Variants in TAFA4 observed in about 807,000 individuals in gnomAD.
TAFA4 encodes TAFA chemokine like family member 4, also known as chemokine-like protein TAFA-4.
In TAFA4, 20 loss-of-function variants were observed where a neutral mutation model predicts 21.1. That is an observed-to-expected ratio of 0.95 (90% CI 0.67 to 1.38). TAFA4 has a LOEUF of 1.38. TAFA4 is among the 40% of genes most tolerant of loss of function. The pLI, the probability that TAFA4 is intolerant of heterozygous loss-of-function variation, is 0.00. For synonymous variants in TAFA4, 71 were observed against 67.4 expected (o/e 1.05, Z -0.26); for missense variants, 211 against 180.9 (o/e 1.17, Z -0.95).
intron 2 of TAFA4, among the ~76,000 whole-genome samples, chr3:68,884,278 G>A (rs1304473952): frequency 6.6e-6 from 1 of 152,172 alleles, no homozygotes; most frequent in African/African-American, 2.4e-5. Flanking sequence ...TTCAGTCAAG[G>A]AAACGCAACA....
chr3:68,805,715 A>G (rs1703681126), intron 3 of TAFA4, among the ~76,000 whole-genome samples: 1 of 152,098 alleles, frequency 6.6e-6, no homozygotes, highest in Admixed American at 6.6e-5. Context: ...ACAAAAAACC[A>G]AACACCGCGT....
chr3:68,850,528 C>G (rs533271886), intron 3 of TAFA4, among the ~76,000 whole-genome samples: 150 of 152,138 alleles, frequency 9.9e-4, no homozygotes, highest in Non-Finnish European at 1.3e-3. Context: ...AAAAGCATTC[C>G]TGTATCTCTG....
At chr3:68,853,495 T>C (rs976623717) in intron 3 of TAFA4, among the ~76,000 whole-genome samples, 3 of 152,272 alleles carry the variant, frequency 2.0e-5, no homozygotes, top group African/African-American at 7.2e-5. Flanking sequence ...CATGTCTCTT[T>C]TGAAGAAGGT....
Position 68,880,719 on chromosome 3 carries a change from A to G in TAFA4, c.130+11T>C, listed in dbSNP as rs375573883. 34 of 1,612,674 alleles carry G rather than the reference A, an allele frequency of 2.1e-5. No homozygotes were observed. In the African/African-American group the frequency reaches 4.3e-4, roughly 20 times the overall value. ...TATCTCAGCAGTGCATAATGAGCTT[A>G]AAGGGCTTACCTGCATGTCCCCGGA... On this transcript the variant is annotated intron_variant, in intron 3 of 5. Coordinates refer to ENST00000295569, the MANE Select transcript of TAFA4 (RefSeq NM_182522.5).
chr3:68,750,244 T>A (rs2106748654), intron 4 of TAFA4, among the ~76,000 whole-genome samples: 1 of 152,158 alleles, frequency 6.6e-6, no homozygotes, highest in Non-Finnish European at 1.5e-5. Context: ...CAGCAGTGAG[T>A]TATGATCATG....
chr3:68,834,951 G>A (rs543067447), intron 3 of TAFA4, among the ~76,000 whole-genome samples: 24 of 151,826 alleles, frequency 1.6e-4, no homozygotes, highest in Non-Finnish European at 2.9e-4. Context: ...GTCTCCCTCT[G>A]CTCAAAACCC....
In TAFA4 at chr3:68,826,027, C is replaced by G. The variant is rs188296665; in HGVS notation, c.130+54703G>C. On this transcript the variant is annotated intron_variant, in intron 3 of 5. Coordinates refer to ENST00000295569, the MANE Select transcript of TAFA4 (RefSeq NM_182522.5). Reference sequence around the variant, plus strand: ...CAACAAGCAAGGATGCTGCAGAGCTCTAGATAATGAAGTGAGTTTTGCAAG... The same window carrying G: ...CAACAAGCAAGGATGCTGCAGAGCTGTAGATAATGAAGTGAGTTTTGCAAG... Among the ~76,000 whole-genome samples, 20 of 152,170 alleles carry G rather than the reference C, an allele frequency of 1.3e-4. No homozygotes were observed. In the East Asian group the frequency reaches 1.6e-3, roughly 12 times the overall value.
intron 3 of TAFA4, among the ~76,000 whole-genome samples, chr3:68,809,865 T>C (rs182351598): frequency 2.6e-5 from 4 of 152,224 alleles, no homozygotes; most frequent in African/African-American, 4.8e-5. Flanking sequence ...TCAAAAATCA[T>C]TGGTCCGTAA....
At chr3:68,810,479 C>T (rs931471375) in intron 3 of TAFA4, among the ~76,000 whole-genome samples, 8 of 152,200 alleles carry the variant, frequency 5.3e-5, no homozygotes, top group Admixed American at 2.6e-4. Flanking sequence ...CACCCTAATA[C>T]TGCACTTTTC....
chr3:68,819,595 C>G lies in TAFA4; in HGVS notation c.130+61135G>C, dbSNP rs189194087. On this transcript the variant is annotated intron_variant, in intron 3 of 5. Transcript: ENST00000295569. ...TAACCAAAATATATAAGAACTCAAA[C>G]AACTCAATAGTAAGAAAACCTATAA... is the stretch of plus-strand genomic sequence containing the variant. Among the ~76,000 whole-genome samples the G allele has an allele frequency of 7.2e-5, 11 of 152,216 alleles. No homozygotes were observed. In the East Asian group the frequency reaches 2.1e-3, roughly 29 times the overall value.
At chr3:68,917,433 CT>C (rs527936231) in intron 1 of TAFA4, among the ~76,000 whole-genome samples, 289 of 152,180 alleles carry the variant, frequency 1.9e-3, no homozygotes, top group Admixed American at 3.5e-3. Flanking sequence ...ACCTCCCCCC[CT>C]GTGTGTCAGT....
chr3:68,920,146 T>C (rs2090044064), intron 1 of TAFA4, among the ~76,000 whole-genome samples: 1 of 152,182 alleles, frequency 6.6e-6, no homozygotes, highest in Non-Finnish European at 1.5e-5. Context: ...AGTACATTCA[T>C]AGTGGAACAC....
At chr3:68,746,097 C>T (rs1343267940) in intron 4 of TAFA4, among the ~76,000 whole-genome samples, 1 of 152,146 alleles carries the variant, frequency 6.6e-6, no homozygotes, top group Non-Finnish European at 1.5e-5. Context: ...ACATTAGACT[C>T]CAAGTTCTTC....
intron 3 of TAFA4, among the ~76,000 whole-genome samples, chr3:68,795,125 T>C (rs1703431741): frequency 6.6e-6 from 1 of 151,480 alleles, no homozygotes; most frequent in Non-Finnish European, 1.5e-5. Context: ...GATTCCATAG[T>C]TATTCAGATA....
chr3:68,853,585 C>T (rs1397125983), intron 3 of TAFA4, among the ~76,000 whole-genome samples: 2 of 152,150 alleles, frequency 1.3e-5, no homozygotes, highest in Non-Finnish European at 2.9e-5. Context: ...CTCATTTATA[C>T]AATACAGTTA....
intron 1 of TAFA4, among the ~76,000 whole-genome samples, chr3:68,920,010 A>C (rs2090042392): frequency 6.6e-6 from 1 of 152,222 alleles, no homozygotes; most frequent in African/African-American, 2.4e-5. Context: ...TTAAACAGTA[A>C]ACACCACATC....
chr3:68,905,942 G>C (rs11128105), intron 1 of TAFA4, among the ~76,000 whole-genome samples: 38,506 of 152,144 alleles, frequency 0.25, 5,907 homozygotes, highest in East Asian at 0.61. Flanking sequence ...CACTGAACGT[G>C]AAGTTTCACT....
At chr3:68,841,498 A>C (rs896266291) in intron 3 of TAFA4, among the ~76,000 whole-genome samples, 1 of 152,008 alleles carries the variant, frequency 6.6e-6, no homozygotes, top group Non-Finnish European at 1.5e-5. Flanking sequence ...CACCCTACAC[A>C]ATTCATACAC....
chr3:68,891,135 A>G (rs1177658208), intron 1 of TAFA4, among the ~76,000 whole-genome samples: 1 of 152,206 alleles, frequency 6.6e-6, no homozygotes, highest in Non-Finnish European at 1.5e-5. Context: ...GTTTCAGTGA[A>G]GATATACCAG....
Sources: gnomAD v4.1 joint callset for allele counts (sites outside exome capture counted in the v4.1 genomes callset) on GRCh38, gnomAD v4.1.1 for gene constraint, MANE v1.5 for transcripts, NCBI Gene and HGNC (gene_info 2026-07-23, HGNC 2026-07-21) for gene names.